Variants in CENPP observed in about 807,000 individuals in gnomAD.
CENPP encodes centromere protein P.
In CENPP, 24 loss-of-function variants were observed where a neutral mutation model predicts 35.6. That is an observed-to-expected ratio of 0.67 (90% CI 0.49 to 0.95). The LOEUF (loss-of-function observed/expected upper bound fraction) is 0.95. CENPP is among the 40% of genes least tolerant of loss of function. The probability of loss-of-function intolerance (pLI) is 0.00; values close to 1 mark genes in which losing one functional copy is unlikely to be tolerated. For missense variants in CENPP, 332 were observed against 345.3 expected, an observed-to-expected ratio of 0.96 and a Z score of 0.31; for synonymous variants, 120 against 125.5, an observed-to-expected ratio of 0.96 and a Z score of 0.29.
At chr9:92,429,997 A>G (rs1244223240) in intron 5 of CENPP, among the ~76,000 whole-genome samples, 1 of 152,178 alleles carries the variant, frequency 6.6e-6, no homozygotes, top group Non-Finnish European at 1.5e-5. Flanking sequence ...GGGACTGCAT[A>G]TGTGTGCTAG....
At chr9:92,487,142 A>G (rs1369242798) in intron 5 of CENPP, among the ~76,000 whole-genome samples, 10 of 152,112 alleles carry the variant, frequency 6.6e-5, no homozygotes, top group Non-Finnish European at 1.2e-4. Context: ...TGTACAAGTA[A>G]TGGTTTTGTT....
chr9:92,359,745 C>T (rs906515918), intron 4 of CENPP, among the ~76,000 whole-genome samples: 5 of 151,518 alleles, frequency 3.3e-5, no homozygotes, highest in East Asian at 1.9e-4. Context: ...GATAAGAAGC[C>T]GCAGTGAACA....
intron 5 of CENPP, among the ~76,000 whole-genome samples, chr9:92,454,553 A>G (rs953824724): frequency 6.6e-6 from 1 of 152,204 alleles, no homozygotes; most frequent in Non-Finnish European, 1.5e-5. Context: ...TTTGTTTATT[A>G]AAGCAATTGA....
intron 5 of CENPP, among the ~76,000 whole-genome samples, chr9:92,452,356 T>TC (rs1844737426): frequency 6.6e-6 from 1 of 152,128 alleles, no homozygotes; most frequent in South Asian, 2.1e-4. Flanking sequence ...ATTGAGATAA[T>TC]CATGTGGTTT....
chr9:92,357,129 A>G (rs774283391), intron 4 of CENPP, among the ~76,000 whole-genome samples: 2 of 152,238 alleles, frequency 1.3e-5, no homozygotes, highest in African/African-American at 2.4e-5. Flanking sequence ...AAAGTAGAGT[A>G]ACAAACTATT....
intron 5 of CENPP, among the ~76,000 whole-genome samples, chr9:92,526,070 G>C (rs4744137): frequency 6.6e-6 from 1 of 151,800 alleles, no homozygotes; most frequent in Non-Finnish European, 1.5e-5. Context: ...AGCCTGAGGT[G>C]GTTCCTTCAG....
chr9:92,445,435 T>C (rs893024147), intron 5 of CENPP, among the ~76,000 whole-genome samples: 4 of 152,148 alleles, frequency 2.6e-5, no homozygotes, highest in African/African-American at 9.7e-5. Flanking sequence ...CCATTGGAGA[T>C]GTTCTCCCTG....
At chr9:92,570,046 T>G (rs960137386) in intron 5 of CENPP, among the ~76,000 whole-genome samples, 1 of 152,156 alleles carries the variant, frequency 6.6e-6, no homozygotes, top group African/African-American at 2.4e-5. Context: ...TTGATTTCCT[T>G]TTTTCCTAAT....
At position 92,617,764 on chromosome 9, in the gene CENPP, A is replaced by G. The variant is rs1434812584; in HGVS notation, c.*4615A>G. ...ACTGTGTTTCAAATGGGAGGTCGAG[A>G]GGAGCATCAGGGTTTAGGCCGGGAA... On this transcript the variant is annotated 3_prime_UTR_variant, in exon 8 of 8. Coordinates refer to ENST00000375587, the MANE Select transcript of CENPP (RefSeq NM_001012267.3). 5.8e-6 allele frequency: 1 copy of G among 171,608 alleles called. No individual in the cohort carries two copies. Among genetic ancestry groups the G allele is most frequent in the Non-Finnish European group, 1.3e-5 (1 of 79,780 alleles). 10.6% of individuals were successfully genotyped at this position (171,608 alleles called of 1,614,324 possible).
chr9:92,440,505 G>T (rs1023584463), intron 5 of CENPP, among the ~76,000 whole-genome samples: 1 of 152,128 alleles, frequency 6.6e-6, no homozygotes, highest in African/African-American at 2.4e-5. Flanking sequence ...TCTATAAAGT[G>T]CTTCCCTTAA....
Position 92,619,915 on chromosome 9 carries a change from A to G in CENPP, c.*6766A>G. 1 of 314,458 alleles carries G rather than the reference A, an allele frequency of 3.2e-6. No homozygotes were observed. The highest frequency in any genetic ancestry group is 6.1e-5 in the East Asian group (1 of 16,360). The allele number at this position is 314,458 out of a possible 1,614,324, so 19.5% of individuals were successfully genotyped here. Reference sequence around the variant, plus strand: ...AAGCAGTAAGCCACCTGAGCCCCGCATGTTGGCCACACTCAGAGTATCAAG... The same window carrying G: ...AAGCAGTAAGCCACCTGAGCCCCGCGTGTTGGCCACACTCAGAGTATCAAG... On this transcript the variant is annotated 3_prime_UTR_variant, in exon 8 of 8. Transcript: ENST00000375587.
intron 5 of CENPP, among the ~76,000 whole-genome samples, chr9:92,609,907 A>C (rs550584536): frequency 1.1e-4 from 16 of 150,662 alleles, no homozygotes; most frequent in African/African-American, 3.9e-4. Flanking sequence ...CGCCCAGCTA[A>C]TTTTTTTTAG....
intron 5 of CENPP, chr9:92,417,566 T>C (rs1307089059): frequency 6.5e-7 from 1 of 1,528,226 alleles, no homozygotes; most frequent in Admixed American, 2.2e-5. Flanking sequence ...CATCTTCTTT[T>C]TTTTTTTCCT....
chr9:92,549,646 C>CAA (rs377339429), intron 5 of CENPP, among the ~76,000 whole-genome samples: 4,413 of 90,212 alleles, frequency 0.049, 105 homozygotes, highest in Middle Eastern at 0.12. Context: ...GACTCCGTCT[C>CAA]AAAAAAAAAA....
rs1325717718 is a variant in CENPP, at chr9:92,618,769, T to G, written c.*5620T>G. On this transcript the variant is annotated 3_prime_UTR_variant, in exon 8 of 8. Coordinates refer to ENST00000375587, the MANE Select transcript of CENPP (RefSeq NM_001012267.3). ...GCCAGGGAACAGGAATCCTGGGAAC[T>G]GTTTAGTTCAAAAGCACCGGGAAAG... 2 of 356,468 alleles carry G rather than the reference T, an allele frequency of 5.6e-6. No homozygotes were observed. The highest frequency in any genetic ancestry group is 1.1e-5 in the Non-Finnish European group (2 of 181,022). 22.1% of individuals were successfully genotyped at this position (356,468 alleles called of 1,614,324 possible).
intron 5 of CENPP, among the ~76,000 whole-genome samples, chr9:92,568,237 C>A (rs1202643253): frequency 6.7e-6 from 1 of 149,180 alleles, no homozygotes; most frequent in Non-Finnish European, 1.5e-5. Context: ...CTTCCCCCTT[C>A]CCCCCACCGC....
At chr9:92,556,380 G>T (rs1849724628) in intron 5 of CENPP, among the ~76,000 whole-genome samples, 1 of 152,098 alleles carries the variant, frequency 6.6e-6, no homozygotes, top group Non-Finnish European at 1.5e-5. Flanking sequence ...TGGGTGAAAT[G>T]TTCTGTATAT....
chr9:92,566,473 G>C (rs772871638), intron 5 of CENPP, among the ~76,000 whole-genome samples: 4 of 152,092 alleles, frequency 2.6e-5, no homozygotes, highest in Non-Finnish European at 5.9e-5. Flanking sequence ...AAGATCTGGA[G>C]AAAGTCAAGA....
At chr9:92,444,152 G>A (rs2131008626) in intron 5 of CENPP, among the ~76,000 whole-genome samples, 1 of 152,236 alleles carries the variant, frequency 6.6e-6, no homozygotes, top group Middle Eastern at 3.4e-3. Context: ...ACTCCGCTTT[G>A]AGATACTGAA....
Sources: allele counts gnomAD v4.1 joint callset (sites outside exome capture counted in the v4.1 genomes callset), GRCh38; gene constraint gnomAD v4.1.1; transcripts MANE v1.5; gene names NCBI Gene and HGNC (gene_info 2026-07-23, HGNC 2026-07-21).